MBNL1: variants seen among roughly 807,000 people sequenced by gnomAD.
MBNL1 encodes muscleblind like splicing regulator 1, also known as muscleblind-like protein 1.
MBNL1 carries 8 observed loss-of-function variants against 42.2 expected under a neutral mutation model. That is an observed-to-expected ratio of 0.19 (90% CI 0.11 to 0.34). MBNL1 has a LOEUF of 0.34. MBNL1 is among the 10% of genes least tolerant of loss of function. The pLI is 1.00. For synonymous variants in MBNL1, 169 were observed against 173.9 expected (o/e 0.97, Z 0.22); for missense variants, 309 against 495.3 (o/e 0.62, Z 3.57).
chr3:152,313,333 T>G (rs575527012), intron 2 of MBNL1, among the ~76,000 whole-genome samples: 14 of 152,160 alleles, frequency 9.2e-5, no homozygotes, highest in Non-Finnish European at 1.9e-4. Context: ...AACATTTTAT[T>G]TTTTATGGCA....
intron 2 of MBNL1, among the ~76,000 whole-genome samples, chr3:152,250,644 T>C (rs1201452950): frequency 2.0e-5 from 3 of 150,736 alleles, no homozygotes; most frequent in Non-Finnish European, 4.4e-5. Context: ...TGGCCAGAAC[T>C]TCCAACACTA....
intron 2 of MBNL1, among the ~76,000 whole-genome samples, chr3:152,351,048 T>A (rs1377532400): frequency 6.6e-6 from 1 of 152,092 alleles, no homozygotes; most frequent in Non-Finnish European, 1.5e-5. Context: ...CCTCAATTTC[T>A]AATGAATGGG....
At chr3:152,340,952 C>A in intron 2 of MBNL1, 1 of 1,518,356 alleles carries the variant, frequency 6.6e-7, no homozygotes, top group Non-Finnish European at 8.8e-7. Flanking sequence ...CAGGCCTGCA[C>A]CTATACCACT....
chr3:152,455,587 A>G lies in MBNL1; in HGVS notation c.997+10A>G. On this transcript the variant is annotated intron_variant, in intron 7 of 9. Transcript: ENST00000324210. Reference sequence around the variant, plus strand: ...CCCGCTACAAGTGTTGGTAGGTGCCAGCTTTGTTTCTTGATTATCTTAAAC... The same window carrying G: ...CCCGCTACAAGTGTTGGTAGGTGCCGGCTTTGTTTCTTGATTATCTTAAAC... 1 of 1,613,098 alleles carries G rather than the reference A, an allele frequency of 6.2e-7. No individual in the cohort carries two copies. Among genetic ancestry groups the G allele is most frequent in the South Asian group, 1.1e-5 (1 of 91,026 alleles).
chr3:152,262,434 G>T (rs1397252178), intron 2 of MBNL1, among the ~76,000 whole-genome samples: 2 of 152,136 alleles, frequency 1.3e-5, no homozygotes, highest in African/African-American at 4.8e-5. Flanking sequence ...AAGATCCACA[G>T]AGAGAACTCA....
At chr3:152,417,223 G>A (rs1488368370) in intron 3 of MBNL1, among the ~76,000 whole-genome samples, 1 of 139,228 alleles carries the variant, frequency 7.2e-6, no homozygotes, top group African/African-American at 2.6e-5. Context: ...TGAGGGTAAT[G>A]ACATGGAGAT....
intron 2 of MBNL1, among the ~76,000 whole-genome samples, chr3:152,321,555 G>T (rs2076505038): frequency 6.6e-6 from 1 of 151,938 alleles, no homozygotes; most frequent in Admixed American, 6.6e-5. Context: ...CTTGAACAGT[G>T]AGCCTCTTGT....
At chr3:152,345,743 T>C (rs1578362997) in intron 2 of MBNL1, among the ~76,000 whole-genome samples, 1 of 152,260 alleles carries the variant, frequency 6.6e-6, no homozygotes, top group East Asian at 1.9e-4. Flanking sequence ...TTAAAAGCAT[T>C]GGCTCTAGAG....
intron 2 of MBNL1, among the ~76,000 whole-genome samples, chr3:152,374,821 G>A (rs935458376): frequency 1.3e-5 from 2 of 152,156 alleles, no homozygotes; most frequent in Non-Finnish European, 2.9e-5. Flanking sequence ...AATCCTTTGT[G>A]TTCTCATAGG....
chr3:152,374,207 A>G (rs1346283599), intron 2 of MBNL1, among the ~76,000 whole-genome samples: 2 of 152,200 alleles, frequency 1.3e-5, no homozygotes, highest in African/African-American at 4.8e-5. Flanking sequence ...GTGATTTATT[A>G]TTTGCAAATC....
chr3:152,401,521 A>G (rs980085063), intron 2 of MBNL1, among the ~76,000 whole-genome samples: 2 of 152,088 alleles, frequency 1.3e-5, no homozygotes, highest in Admixed American at 6.5e-5. Context: ...TGTCACAGCT[A>G]CTCTAGGAGC....
intron 3 of MBNL1, among the ~76,000 whole-genome samples, chr3:152,425,011 T>C (rs1263752739): frequency 6.6e-6 from 1 of 152,118 alleles, no homozygotes; most frequent in South Asian, 2.1e-4. Context: ...AAAGACTTCA[T>C]GACTAAAACA....
intron 3 of MBNL1, among the ~76,000 whole-genome samples, chr3:152,427,768 TAAA>T (rs1215925332): frequency 1.3e-5 from 2 of 150,522 alleles, no homozygotes; most frequent in African/African-American, 2.4e-5. Flanking sequence ...TTAAAAATTT[TAAA>T]AAATATTTAA....
At chr3:152,303,362 T>G (rs1315748945) in intron 2 of MBNL1, among the ~76,000 whole-genome samples, 1 of 152,160 alleles carries the variant, frequency 6.6e-6, no homozygotes, top group African/African-American at 2.4e-5. Context: ...TTTCTCTAAT[T>G]TTCCTTTTAC....
chr3:152,462,589 T>C lies in MBNL1; in HGVS notation c.*223T>C, dbSNP rs1004242082. ...CTATACACTTTGTACATTTAATTGA[T>C]ATTTGTGCTGAGGTGATATTCCTGT... On this transcript the variant is annotated 3_prime_UTR_variant, in exon 10 of 10. Coordinates refer to ENST00000324210, the MANE Select transcript of MBNL1 (RefSeq NM_021038.5). 4 of 152,292 alleles carry C rather than the reference T, an allele frequency of 2.6e-5. No homozygotes were observed. Among genetic ancestry groups the C allele is most frequent in the Non-Finnish European group, 5.9e-5 (4 of 67,996 alleles). The allele number at this position is 152,292 out of a possible 1,614,324, so 9.4% of individuals were successfully genotyped here. A position where few individuals can be genotyped will look rare whatever the true frequency, so the allele number is the denominator to read the frequency against.
chr3:152,258,782 T>G (rs2035819424), intron 2 of MBNL1, among the ~76,000 whole-genome samples: 1 of 152,224 alleles, frequency 6.6e-6, no homozygotes, highest in African/African-American at 2.4e-5. Flanking sequence ...ATGCCCAAAG[T>G]TATGCCACAT....
chr3:152,272,953 G>A (rs1012234243), intron 1 of MBNL1, among the ~76,000 whole-genome samples: 1 of 152,144 alleles, frequency 6.6e-6, no homozygotes, highest in Non-Finnish European at 1.5e-5. Context: ...TTTCTCGAAG[G>A]ATGCCAAAAA....
intron 2 of MBNL1, among the ~76,000 whole-genome samples, chr3:152,251,405 G>A (rs1221801816): frequency 6.6e-6 from 1 of 152,008 alleles, no homozygotes; most frequent in Non-Finnish European, 1.5e-5. Context: ...TTTTTGTGGG[G>A]AAAACATTTA....
At chr3:152,244,831 A>G (rs1190840003) in intron 2 of MBNL1, among the ~76,000 whole-genome samples, 1 of 151,880 alleles carries the variant, frequency 6.6e-6, no homozygotes, top group Non-Finnish European at 1.5e-5. Flanking sequence ...ACTTTTGTTC[A>G]TTTTGCATAT....
Sources: allele counts gnomAD v4.1 joint callset (sites outside exome capture counted in the v4.1 genomes callset), GRCh38; gene constraint gnomAD v4.1.1; transcripts MANE v1.5; gene names NCBI Gene and HGNC (gene_info 2026-07-23, HGNC 2026-07-21).